The following CDYL variants were observed in gnomAD, a reference collection of about 807,000 sequenced individuals.
CDYL encodes the protein chromodomain Y-like protein.
In CDYL, 8 loss-of-function variants were observed where a neutral mutation model predicts 47.3. That is an observed-to-expected ratio of 0.17 (90% CI 0.10 to 0.31). The LOEUF (loss-of-function observed/expected upper bound fraction) is 0.31, where lower values mean the gene tolerates loss of function less well. Among genes scored for constraint, CDYL ranks in the 10% least tolerant of loss-of-function variants. The pLI is 1.00. For synonymous variants in CDYL, 266 were observed against 265.0 expected (o/e 1.00, Z -0.04); for missense variants, 471 against 701.4 (o/e 0.67, Z 3.71).
intron 3 of CDYL, among the ~76,000 whole-genome samples, chr6:4,936,668 C>T (rs1758201859): frequency 6.6e-6 from 1 of 152,192 alleles, no homozygotes; most frequent in Non-Finnish European, 1.5e-5. Context: ...ACGCACCAAA[C>T]TATTTTCTGT....
chr6:4,709,733 T>C (rs1481390978), intron 1 of CDYL, among the ~76,000 whole-genome samples: 1 of 152,218 alleles, frequency 6.6e-6, no homozygotes, highest in Admixed American at 6.5e-5. Flanking sequence ...TCTCATATTG[T>C]GGTTATTTTG....
intron 1 of CDYL, among the ~76,000 whole-genome samples, chr6:4,877,804 C>T (rs908679428): frequency 5.9e-5 from 9 of 152,114 alleles, no homozygotes; most frequent in African/African-American, 2.2e-4. Context: ...CTTTGGATTG[C>T]CTTTCAAGTT....
chr6:4,953,872 A>C, intron 6 of CDYL, 26 bp from the exon 7 acceptor site: 1 of 1,607,590 alleles, frequency 6.2e-7, no homozygotes, highest in Non-Finnish European at 8.5e-7. Context: ...GCACCCTGCT[A>C]ACTGGCTGCT....
intron 4 of CDYL, among the ~76,000 whole-genome samples, chr6:4,939,678 A>AT (rs551147872): frequency 9.3e-4 from 141 of 152,318 alleles, no homozygotes; most frequent in African/African-American, 3.3e-3. Flanking sequence ...TCAGTTTAAG[A>AT]TTAAACTGCT....
Position 4,760,258 on chromosome 6 carries a change from TC to T in CDYL, c.186+25416del, listed in dbSNP as rs1242941115. Among the ~76,000 whole-genome samples, 36 of 152,038 alleles carry T rather than the reference TC, an allele frequency of 2.4e-4. 2 individuals are homozygous for T. The highest frequency in any genetic ancestry group is 3.4e-3 in the Middle Eastern group (1 of 294). ...TCATCATTGTTGCTGACTCCCTGTA[TC>T]CTGGGAGCTTAGAGGGTCGAAGCAC... is the stretch of plus-strand genomic sequence containing the variant. On this transcript the variant is annotated intron_variant, in intron 3 of 8. Coordinates refer to the CDYL transcript ENST00000328908.
chr6:4,858,843 C>G (rs537661939), intron 1 of CDYL, among the ~76,000 whole-genome samples: 2 of 152,250 alleles, frequency 1.3e-5, no homozygotes, highest in Non-Finnish European at 2.9e-5. Flanking sequence ...AAGGGGAAGA[C>G]AGAAATGATA....
chr6:4,909,253 A>C (rs1349499619), intron 2 of CDYL, among the ~76,000 whole-genome samples: 1 of 152,224 alleles, frequency 6.6e-6, no homozygotes, highest in Non-Finnish European at 1.5e-5. Flanking sequence ...ACACTAGGGT[A>C]ATTACTGACT....
intron 3 of CDYL, among the ~76,000 whole-genome samples, chr6:4,738,637 G>A (rs1467126751): frequency 1.3e-5 from 2 of 152,202 alleles, no homozygotes; most frequent in African/African-American, 4.8e-5. Flanking sequence ...ATCCAGCAAA[G>A]TGAAAAATGA....
chr6:4,838,381 T>C, intron 1 of CDYL, among the ~76,000 whole-genome samples: 1 of 152,020 alleles, frequency 6.6e-6, no homozygotes, highest in East Asian at 1.9e-4. Flanking sequence ...TAGCTCCCAG[T>C]TATGAGTGAG....
chr6:4,754,797 C>G (rs996802780), intron 3 of CDYL, among the ~76,000 whole-genome samples: 9 of 152,148 alleles, frequency 5.9e-5, no homozygotes, highest in African/African-American at 2.2e-4. Flanking sequence ...AATATGTACT[C>G]TTGAATCATA....
chr6:4,713,103 T>C (rs1561818426), intron 1 of CDYL, among the ~76,000 whole-genome samples: 1 of 152,138 alleles, frequency 6.6e-6, no homozygotes, highest in Non-Finnish European at 1.5e-5. Context: ...CGTGACCACA[T>C]GAGGGGGTCG....
chr6:4,879,551 GGTT>G (rs1308523553), intron 1 of CDYL, among the ~76,000 whole-genome samples: 82 of 131,462 alleles, frequency 6.2e-4, no homozygotes, highest in African/African-American at 2.1e-3. Context: ...TTTTTTGTGG[GGTT>G]TTTTTTTTTT....
chr6:4,739,542 G>A (rs1159670188), intron 3 of CDYL, among the ~76,000 whole-genome samples: 1 of 143,630 alleles, frequency 7.0e-6, no homozygotes, highest in African/African-American at 2.5e-5. Flanking sequence ...AAAAAGTTGA[G>A]TAAAAAAAAA....
chr6:4,777,120 G>A (rs1160827797), intron 1 of CDYL, among the ~76,000 whole-genome samples: 2 of 147,510 alleles, frequency 1.4e-5, no homozygotes, highest in East Asian at 4.0e-4. Flanking sequence ...TGGAAGTGGT[G>A]CCTCCGTTGC....
intron 3 of CDYL, 91 bp from the exon 4 acceptor site, chr6:4,937,474 C>T: frequency 9.7e-7 from 1 of 1,034,456 alleles, no homozygotes; most frequent in Non-Finnish European, 1.3e-6. Flanking sequence ...CCAACCTGAG[C>T]AACAGAGTGA....
chr6:4,822,812 A>G (rs1759878209), intron 1 of CDYL, among the ~76,000 whole-genome samples: 1 of 152,096 alleles, frequency 6.6e-6, no homozygotes, highest in Non-Finnish European at 1.5e-5. Context: ...CAACAACAAA[A>G]CCGTCCTGTG....
chr6:4,930,692 C>A (rs541051499), intron 2 of CDYL, among the ~76,000 whole-genome samples: 1 of 152,344 alleles, frequency 6.6e-6, no homozygotes, highest in East Asian at 1.9e-4. Flanking sequence ...GTTTTTGAAG[C>A]AGTGATATTT....
chr6:4,717,740 A>AAAAAAAAAAAAAAAAAAT lies in CDYL; in HGVS notation c.103+1859_103+1860insAAAAAAAAAAAAAAAAAT, dbSNP rs1491395482. Among the ~76,000 whole-genome samples the AAAAAAAAAAAAAAAAAAT allele has an allele frequency of 1.7e-5, 2 of 118,762 alleles. 1 individual carries two copies. The allele number at this position is 118,762 out of a possible 152,430, so 77.9% of individuals were successfully genotyped here. On this transcript the variant is annotated intron_variant, in intron 2 of 8. Coordinates refer to the CDYL transcript ENST00000328908. ...AAAAAAAAAAAAAAAAAAAAAAAAA[A>AAAAAAAAAAAAAAAAAAT]TTAAAAATTGAAAGGGATTTTTGTT...
Position 4,949,177 on chromosome 6 carries a change from A to G in CDYL, c.1333-3089A>G, listed in dbSNP as rs529546200. The stretch of plus-strand genomic sequence containing the variant: ...TTAGCCTTCCTGGTGCCCAGTAGAC[A>G]TTCATGGAGTGCATGGAGGATGGCA... On this transcript the variant is annotated intron_variant, in intron 5 of 6. Transcript: ENST00000397588. 5.9e-5 allele frequency among the ~76,000 whole-genome samples: 9 copies of G among 152,352 alleles called. No individual in the cohort carries two copies. The East Asian group carries it at 1.7e-3, about 29-fold the overall frequency.
Sources: allele counts gnomAD v4.1 joint callset (sites outside exome capture counted in the v4.1 genomes callset), GRCh38; gene constraint gnomAD v4.1.1; transcripts MANE v1.5; gene names NCBI Gene and HGNC (gene_info 2026-07-23, HGNC 2026-07-21).